NPIPB8: variants seen among roughly 807,000 people sequenced by gnomAD.
The protein encoded by NPIPB8 is nuclear pore complex interacting protein family member B8.
A neutral mutation model predicts 5.3 loss-of-function variants in NPIPB8; 3 were observed. That is an observed-to-expected ratio of 0.57 (90% CI 0.26 to 1.47). The LOEUF is 1.47. Ranked by LOEUF, NPIPB8 falls within the 40% of genes most tolerant of loss-of-function variation. The pLI, the probability that NPIPB8 is intolerant of heterozygous loss-of-function variation, is 0.13. For synonymous variants in NPIPB8, 18 were observed against 23.0 expected, an observed-to-expected ratio of 0.78 and a Z score of 0.62; for missense variants, 50 against 50.2, an observed-to-expected ratio of 1.00 and a Z score of 0.01.
Position 28,638,515 on chromosome 16 carries a change from C to T in NPIPB8, c.120+35C>T. On this transcript the variant is annotated intron_variant, in intron 2 of 7. Coordinates refer to ENST00000683297, the MANE Select transcript of NPIPB8 (RefSeq NM_001310136.2). ...TGCAGACAAGATGGGGCCTGGTGCC[C>T]TTGAGCAGTTCCCGGGTCTCAGCTG... is the stretch of plus-strand genomic sequence containing the variant. 3 of 1,525,878 alleles carry T rather than the reference C, an allele frequency of 2.0e-6. 1 individual carries two copies. Among genetic ancestry groups the T allele is most frequent in the African/African-American group, 2.8e-5 (2 of 70,852 alleles). The allele number at this position is 1,525,878 out of a possible 1,614,324, so 94.5% of individuals were successfully genotyped here. A position where few individuals can be genotyped will look rare whatever the true frequency, so the allele number is the denominator to read the frequency against.
chr16:28,639,859 T>C (rs1189866941), intron 2 of NPIPB8, among the ~76,000 whole-genome samples: 2 of 150,548 alleles, frequency 1.3e-5, no homozygotes, highest in East Asian at 1.9e-4. Flanking sequence ...AGAATACATA[T>C]GCAAATAAGT....
intron 2 of NPIPB8, among the ~76,000 whole-genome samples, chr16:28,639,272 GA>G (rs2047848336): frequency 1.4e-5 from 2 of 147,564 alleles, no homozygotes; most frequent in Non-Finnish European, 3.0e-5. Context: ...CATTTGTTTT[GA>G]ATGCTCTGTG....
chr16:28,639,439 A>G (rs1227072479), intron 2 of NPIPB8, among the ~76,000 whole-genome samples: 1 of 88,704 alleles, frequency 1.1e-5, no homozygotes, highest in Non-Finnish European at 2.3e-5. Context: ...ACACACACAC[A>G]CACACATATA....
intron 2 of NPIPB8, among the ~76,000 whole-genome samples, chr16:28,641,373 C>A (rs1348421989): frequency 1.4e-5 from 2 of 147,932 alleles, no homozygotes; most frequent in African/African-American, 4.9e-5. Context: ...GATGGATCCA[C>A]TGCCTCTGTG....
intron 2 of NPIPB8, among the ~76,000 whole-genome samples, chr16:28,643,082 G>T (rs1319424071): frequency 6.6e-6 from 1 of 151,604 alleles, no homozygotes; most frequent in Non-Finnish European, 1.5e-5. Context: ...CTGCCCACCT[G>T]CTTGGAGCTC....
At chr16:28,639,603 GCA>G (rs2047858036) in intron 2 of NPIPB8, among the ~76,000 whole-genome samples, 1 of 128,516 alleles carries the variant, frequency 7.8e-6, no homozygotes, top group Non-Finnish European at 1.7e-5. Context: ...CTACAGGTGT[GCA>G]CCATCATGCC....
chr16:28,645,011 A>G (rs1436261886), intron 2 of NPIPB8, among the ~76,000 whole-genome samples: 5 of 88,128 alleles, frequency 5.7e-5, no homozygotes, highest in Non-Finnish European at 1.2e-4. Flanking sequence ...GTGAAATGTC[A>G]TTTGATTTGT....
At chr16:28,653,140 T>G (rs1321623885) in intron 5 of NPIPB8, among the ~76,000 whole-genome samples, 1 of 113,178 alleles carries the variant, frequency 8.8e-6, no homozygotes, top group Non-Finnish European at 1.9e-5. Flanking sequence ...TGGCATGATC[T>G]TGGCTCACTG....
At chr16:28,639,703 G>A (rs1248077555) in intron 2 of NPIPB8, among the ~76,000 whole-genome samples, 3 of 146,572 alleles carry the variant, frequency 2.0e-5, no homozygotes, top group South Asian at 2.2e-4. Flanking sequence ...TCTGCCCACC[G>A]TGGCCTCCCA....
intron 2 of NPIPB8, among the ~76,000 whole-genome samples, chr16:28,642,997 G>A (rs2047932281): frequency 1.3e-5 from 2 of 152,334 alleles, no homozygotes; most frequent in Admixed American, 1.3e-4. Context: ...AGGCCTGTGG[G>A]AAGTTTAGCT....
At chr16:28,651,656 G>A (rs1244465722) in intron 3 of NPIPB8, among the ~76,000 whole-genome samples, 4 of 92,722 alleles carry the variant, frequency 4.3e-5, no homozygotes, top group Non-Finnish European at 8.5e-5. Context: ...GAGAGACAGA[G>A]TCTCATTCTG....
At chr16:28,641,155 G>A (rs1338931470) in intron 2 of NPIPB8, among the ~76,000 whole-genome samples, 8 of 151,948 alleles carry the variant, frequency 5.3e-5, no homozygotes, top group Admixed American at 3.9e-4. Flanking sequence ...CAATGGCCCT[G>A]GGTGACTCAA....
intron 2 of NPIPB8, among the ~76,000 whole-genome samples, chr16:28,640,526 C>T (rs1752209863): frequency 6.6e-6 from 1 of 152,128 alleles, no homozygotes; most frequent in Non-Finnish European, 1.5e-5. Flanking sequence ...CCCATGGGTA[C>T]ATCCACTTTC....
Position 28,638,359 on chromosome 16 carries a change from A to C in NPIPB8, c.-2A>C, listed in dbSNP as rs1401308822. The C allele has an allele frequency of 6.4e-7, 1 of 1,568,316 alleles. No homozygotes were observed. Among genetic ancestry groups the C allele is most frequent in the East Asian group, 2.3e-5 (1 of 44,126 alleles). On this transcript the variant is annotated 5_prime_UTR_variant, in exon 2 of 8. Coordinates refer to ENST00000683297, the MANE Select transcript of NPIPB8 (RefSeq NM_001310136.2). ...TCATGAGCCCCTGTTCTCATTCTGC[A>C]AATGGTGAAGCTCTCTATTGTCCTG...
In NPIPB8 at chr16:28,642,035, C is replaced by G. The variant is rs1064929; in HGVS notation, c.120+3555C>G. ...TAGTACTCTCTGCCATTCACTTTTG[C>G]TCTAATCTGACTTCAACCCCCACTT... is the stretch of plus-strand genomic sequence containing the variant. On this transcript the variant is annotated intron_variant, in intron 2 of 7. Coordinates refer to ENST00000683297, the MANE Select transcript of NPIPB8 (RefSeq NM_001310136.2). Among the ~76,000 whole-genome samples, 286 of 151,574 alleles carry G rather than the reference C, an allele frequency of 1.9e-3. 3 individuals carry two copies. In the East Asian group the frequency reaches 0.021, roughly 11 times the overall value.
chr16:28,642,778 A>T (rs965749521), intron 2 of NPIPB8, among the ~76,000 whole-genome samples: 1 of 151,694 alleles, frequency 6.6e-6, no homozygotes, highest in African/African-American at 2.4e-5. Flanking sequence ...CACCACACCC[A>T]GCCCCTGTTT....
chr16:28,639,789 A>G (rs574644886), intron 2 of NPIPB8, among the ~76,000 whole-genome samples: 161 of 150,938 alleles, frequency 1.1e-3, no homozygotes, highest in African/African-American at 3.7e-3. Context: ...CTATGAAGAG[A>G]AAAACACTGG....
chr16:28,642,398 C>T (rs1403367639), intron 2 of NPIPB8, among the ~76,000 whole-genome samples: 2 of 151,994 alleles, frequency 1.3e-5, no homozygotes, highest in African/African-American at 4.8e-5. Flanking sequence ...GCCACCATGC[C>T]CAGCCAAATC....
At chr16:28,640,654 A>G (rs1269800965) in intron 2 of NPIPB8, among the ~76,000 whole-genome samples, 2 of 152,094 alleles carry the variant, frequency 1.3e-5, no homozygotes, top group Non-Finnish European at 2.9e-5. Context: ...ACTGATGGGA[A>G]ATGACAGGAG....
Sources: gnomAD v4.1 joint callset for allele counts (sites outside exome capture counted in the v4.1 genomes callset) on GRCh38, gnomAD v4.1.1 for gene constraint, MANE v1.5 for transcripts, NCBI Gene and HGNC (gene_info 2026-07-23, HGNC 2026-07-21) for gene names.